Variants in DCUN1D2 observed in about 807,000 individuals in gnomAD.
The protein encoded by DCUN1D2 is defective in cullin neddylation 1 domain containing 2.
Under a neutral mutation model 30.9 loss-of-function variants are expected in DCUN1D2, and 29 were observed. The observed-to-expected ratio is 0.94, with a 90% CI of 0.70 to 1.28. The LOEUF is 1.28. DCUN1D2 is among the 50% of genes most tolerant of loss of function. DCUN1D2 has a pLI of 0.00. For missense variants in DCUN1D2, 325 were observed against 316.9 expected (o/e 1.03, Z -0.19); for synonymous variants, 121 against 115.3 (o/e 1.05, Z -0.32).
chr13:113,472,430 T>C (rs1039916932), intron 4 of DCUN1D2, among the ~76,000 whole-genome samples: 50 of 151,780 alleles, frequency 3.3e-4, no homozygotes, highest in African/African-American at 1.2e-3. Context: ...AGGTCTGGGG[T>C]AGAAGGTGAC....
At chr13:113,485,803 T>A (rs2044792061) in intron 1 of DCUN1D2, among the ~76,000 whole-genome samples, 1 of 151,614 alleles carries the variant, frequency 6.6e-6, no homozygotes, top group African/African-American at 2.4e-5. Flanking sequence ...CTTTCAGGAG[T>A]CCCACAGAAC....
In DCUN1D2 at chr13:113,474,151, C is replaced by T. The variant is rs142079557; in HGVS notation, c.493G>A (p.Ala165Thr). 1.9e-5 allele frequency: 30 copies of T among 1,613,900 alleles called. No individual in the cohort carries two copies. The highest frequency in any genetic ancestry group is 2.7e-5 in the African/African-American group (2 of 74,910). ...KDFYQFTFTF[A>T]KNPGQKGLDL... ...AAACCTTTCTGCCCTGGGTTCTTAG[C>T]GAAGGTGAAGGTAAACTGATAAAAA... Residue 165 changes from alanine to threonine, a missense_variant, in exon 4 of 7, where the codon GCT becomes ACT. Transcript: ENST00000478244.
chr13:113,465,053 T>C (rs2044379141), intron 4 of DCUN1D2, among the ~76,000 whole-genome samples: 2 of 152,250 alleles, frequency 1.3e-5, no homozygotes, highest in Admixed American at 1.3e-4. Flanking sequence ...ATGCTAATCT[T>C]TTAAACATTT....
intron 2 of DCUN1D2, among the ~76,000 whole-genome samples, chr13:113,481,865 C>CAAAAAA (rs60598722): frequency 3.6e-5 from 4 of 112,010 alleles, no homozygotes; most frequent in Non-Finnish European, 6.0e-5. Flanking sequence ...GCCTGGGTGA[C>CAAAAAA]AAAAAAAAAA....
chr13:113,475,691 A>C (rs2044604834), intron 3 of DCUN1D2, among the ~76,000 whole-genome samples: 1 of 152,198 alleles, frequency 6.6e-6, no homozygotes, highest in African/African-American at 2.4e-5. Flanking sequence ...GTTTGAGACC[A>C]GTCTGGGCAA....
intron 4 of DCUN1D2, among the ~76,000 whole-genome samples, chr13:113,464,126 C>T (rs1320378652): frequency 2.6e-5 from 4 of 152,126 alleles, no homozygotes; most frequent in South Asian, 2.1e-4. Flanking sequence ...AATCTTTTCC[C>T]GAGGAGGCTA....
upstream of DCUN1D2, chr13:113,490,982 C>T (rs1207229226): frequency 3.8e-5 from 7 of 184,348 alleles, no homozygotes; most frequent in East Asian, 1.0e-3. This position sits in a 1 kb window ranked among gnomAD's most constrained non-coding sequence, Gnocchi z 5.2. Flanking sequence ...GACCCGCCCA[C>T]GCCCCGCCTC....
intron 4 of DCUN1D2, among the ~76,000 whole-genome samples, chr13:113,462,121 T>G (rs1173096823): frequency 1.3e-5 from 2 of 151,774 alleles, no homozygotes; most frequent in African/African-American, 4.8e-5. Flanking sequence ...GCGTGGTGGC[T>G]CATGCCTGTA....
intron 1 of DCUN1D2, chr13:113,484,301 C>T (rs2044763833): frequency 2.7e-6 from 2 of 744,370 alleles, no homozygotes; most frequent in African/African-American, 3.5e-5. Flanking sequence ...GATCTCTATC[C>T]AGTTCACTCT....
intron 4 of DCUN1D2, among the ~76,000 whole-genome samples, chr13:113,463,795 C>T (rs963096396): frequency 1.3e-5 from 2 of 151,940 alleles, no homozygotes; most frequent in African/African-American, 4.8e-5. Flanking sequence ...CAGAGACACA[C>T]AGACATATAT....
rs144225162 is a variant in DCUN1D2, at chr13:113,483,885, C to T, written c.175G>A (p.Ala59Thr). Reference sequence around the variant, plus strand: ...CGCTCCAGCTTCTTCTTGTCCACAGCGTTCCGCATGGACTCCCTGTGGAGC... The same window carrying T: ...CGCTCCAGCTTCTTCTTGTCCACAGTGTTCCGCATGGACTCCCTGTGGAGC... ...DSLHRESMRN[A>T]VDKKKLERLY... Residue 59 changes from alanine to threonine, a missense_variant, in exon 2 of 7, where the codon GCT becomes ACT. Coordinates refer to ENST00000478244, the MANE Select transcript of DCUN1D2 (RefSeq NM_001014283.2). 3.7e-4 allele frequency: 597 copies of T among 1,613,462 alleles called. 1 individual carries two copies. The African/African-American group carries it at 6.2e-3, about 17-fold the overall frequency.
chr13:113,484,916 A>G (rs2044774768), intron 1 of DCUN1D2, among the ~76,000 whole-genome samples: 1 of 152,034 alleles, frequency 6.6e-6, no homozygotes, highest in African/African-American at 2.4e-5. Flanking sequence ...CATCTCTACT[A>G]AAAATACAAA....
intron 3 of DCUN1D2, 103 bp from the exon 4 acceptor site, chr13:113,474,357 G>A (rs1431602073): frequency 6.8e-7 from 1 of 1,475,296 alleles, no homozygotes; most frequent in Admixed American, 2.0e-5. Context: ...AGCTCCAGCT[G>A]GAGACCGTAT....
Position 113,474,161 on chromosome 13 carries a change from G to C in DCUN1D2, c.483C>G (p.Thr161=). The C allele has an allele frequency of 6.2e-7, 1 of 1,614,156 alleles. No homozygotes were observed. The highest frequency in any genetic ancestry group is 8.5e-7 in the Non-Finnish European group (1 of 1,179,992). ...TAKFKDFYQF[T]FTFAKNPGQK... ...GCCCTGGGTTCTTAGCGAAGGTGAAGGTAAACTGATAAAAATCTTTAAACT... is the reference window on the plus strand; with the variant it reads ...GCCCTGGGTTCTTAGCGAAGGTGAACGTAAACTGATAAAAATCTTTAAACT... The change falls in exon 4 of 7, where the codon ACC becomes ACG. Residue 161 remains threonine (T), a synonymous_variant. Coordinates refer to ENST00000478244, the MANE Select transcript of DCUN1D2 (RefSeq NM_001014283.2).
chr13:113,459,306 C>T lies in DCUN1D2; in HGVS notation c.700+6G>A, dbSNP rs375776275. 85 of 1,520,702 alleles carry T rather than the reference C, an allele frequency of 5.6e-5. No individual in the cohort carries two copies. The African/African-American group carries it at 7.1e-4, about 13-fold the overall frequency. 94.2% of individuals were successfully genotyped at this position (1,520,702 alleles called of 1,614,324 possible). The stretch of plus-strand genomic sequence containing the variant: ...GGTCAATCATCTGAAGCACAACTTC[C>T]GGTACCTTCTTCATCGTAGTTAGAC... On this transcript the variant is annotated splice_donor_region_variant and intron_variant, in intron 6 of 6. Coordinates refer to ENST00000478244, the MANE Select transcript of DCUN1D2 (RefSeq NM_001014283.2).
intron 3 of DCUN1D2, among the ~76,000 whole-genome samples, chr13:113,477,933 T>C (rs2139724259): frequency 6.6e-6 from 1 of 152,326 alleles, no homozygotes; most frequent in East Asian, 1.9e-4. Context: ...TTCCTGATAC[T>C]GTGTGTAGGA....
At position 113,458,083 on chromosome 13, in the gene DCUN1D2, A is replaced by C. The variant is rs745503527; in HGVS notation, c.726T>G (p.Asp242Glu). 5.6e-6 allele frequency: 9 copies of C among 1,614,194 alleles called. No homozygotes were observed. Among genetic ancestry groups the C allele is most frequent in the Non-Finnish European group, 6.8e-6 (8 of 1,180,030 alleles). The change falls in exon 7 of 7, where the codon GAT becomes GAG. Residue 242 changes from aspartate (D) to glutamate (E), a missense_variant. Physicochemically the swap from Asp to Glu is conservative, Grantham distance 45. Transcript: ENST00000478244. ...EEGAWPVLID[D>E]FVEYARPVVT... ...CTACTGGCCGTGCATATTCTACAAA[A>C]TCATCTATAAGAACGGGCCAAGCTC...
chr13:113,478,334 C>CTT (rs199980148), intron 3 of DCUN1D2, among the ~76,000 whole-genome samples: 17 of 146,090 alleles, frequency 1.2e-4, no homozygotes, highest in Admixed American at 6.8e-4. Context: ...TCATACATGA[C>CTT]TTTTTTTTTT....
intron 6 of DCUN1D2, among the ~76,000 whole-genome samples, chr13:113,458,770 G>A (rs571943767): frequency 7.9e-5 from 12 of 152,318 alleles, no homozygotes; most frequent in South Asian, 4.1e-4. Flanking sequence ...ACTGCCCGCC[G>A]AGGGGGCAGG....
Sources: gnomAD v4.1 joint callset for allele counts (sites outside exome capture counted in the v4.1 genomes callset) on GRCh38, gnomAD v4.1.1 for gene constraint, Gnocchi (gnomAD v3.1) non-coding constraint, MANE v1.5 for transcripts, NCBI Gene and HGNC (gene_info 2026-07-23, HGNC 2026-07-21) for gene names.